Variants in USP47 observed in about 807,000 individuals in gnomAD.
USP47 encodes the protein ubiquitin specific peptidase 47.
A neutral mutation model predicts 165.1 loss-of-function variants in USP47; 35 were observed. That is an observed-to-expected ratio of 0.21 (90% confidence interval 0.16 to 0.28). The LOEUF (loss-of-function observed/expected upper bound fraction) is 0.28. USP47 is among the 10% of genes least tolerant of loss of function. The pLI, the probability that USP47 is intolerant of heterozygous loss-of-function variation, is 1.00. For synonymous variants in USP47, 531 were observed against 544.5 expected (o/e 0.98, Z 0.35); for missense variants, 1,277 against 1,607.4 (o/e 0.79, Z 3.52).
chr11:11,959,957 A>G lies in USP47; in HGVS notation c.*3782A>G, dbSNP rs559726807. On this transcript the variant is annotated 3_prime_UTR_variant, in exon 28 of 28. Transcript: ENST00000527733. ...GTTTTCAGCCTCTTTTATAATGCTTAAGTAACCTGCTTGAAGAGTATAATT... is the reference window on the plus strand; with the variant it reads ...GTTTTCAGCCTCTTTTATAATGCTTGAGTAACCTGCTTGAAGAGTATAATT... Among the ~76,000 whole-genome samples the G allele has an allele frequency of 2.6e-5, 4 of 152,286 alleles. No individual in the cohort carries two copies. In the East Asian group the frequency reaches 7.7e-4, roughly 29 times the overall value.
intron 7 of USP47, among the ~76,000 whole-genome samples, chr11:11,905,191 T>G (rs1438852475): frequency 6.7e-6 from 1 of 150,050 alleles, no homozygotes; most frequent in Non-Finnish European, 1.5e-5. Flanking sequence ...GTTATTTGTG[T>G]TGTTTTGATT....
At chr11:11,941,310 ATTACT>A (rs893399249) in intron 19 of USP47, among the ~76,000 whole-genome samples, 10 of 141,526 alleles carry the variant, frequency 7.1e-5, no homozygotes, top group Non-Finnish European at 1.2e-4. Flanking sequence ...CCTCCAGTAC[ATTACT>A]TTAGGGTAAG....
Position 11,960,601 on chromosome 11 carries a change from G to A in USP47, c.*4426G>A, listed in dbSNP as rs1195467984. Among the ~76,000 whole-genome samples the A allele has an allele frequency of 2.0e-5, 3 of 152,128 alleles. No individual in the cohort carries two copies. Among genetic ancestry groups the A allele is most frequent in the African/African-American group, 4.8e-5 (2 of 41,420 alleles). On this transcript the variant is annotated 3_prime_UTR_variant, in exon 28 of 28. Transcript: ENST00000527733. ...AAAATCTAACCTCTCCTCCCTCAACGGAGTGTCAGGGAGGGGAAGAATCTG... is the reference window on the plus strand; with the variant it reads ...AAAATCTAACCTCTCCTCCCTCAACAGAGTGTCAGGGAGGGGAAGAATCTG...
At position 11,930,080 on chromosome 11, in the gene USP47, T is replaced by C. The variant is rs1854546198; in HGVS notation, c.1555T>C (p.Ser519Pro). 6.2e-7 allele frequency: 1 copy of C among 1,613,312 alleles called. No individual in the cohort carries two copies. The highest frequency in any genetic ancestry group is 1.3e-5 in the African/African-American group (1 of 74,906). ...QEDIKKTHGGSSGSRGYYSSA... is the reference protein window; with the variant it reads ...QEDIKKTHGGPSGSRGYYSSA... The stretch of plus-strand genomic sequence containing the variant: ...GGACATTAAGAAAACACATGGTGGA[T>C]CTTCAGGAAGCAGAGGATATTATTC... Residue 519 changes from serine to proline, a missense_variant, in exon 13 of 28, where the codon TCT becomes CCT. Ser to Pro is a moderately conservative substitution (Grantham distance 74). Transcript: ENST00000527733.
chr11:11,940,347 C>A, intron 18 of USP47, 82 bp from the exon 19 acceptor site: 2 of 1,379,876 alleles, frequency 1.4e-6, no homozygotes, highest in Non-Finnish European at 2.0e-6. Context: ...AAGAACTCAG[C>A]AGTGTCTTGC....
chr11:11,947,842 T>C, intron 20 of USP47, 103 bp from the exon 21 acceptor site: 1 of 1,233,388 alleles, frequency 8.1e-7, no homozygotes, highest in Non-Finnish European at 1.1e-6. Flanking sequence ...AGGGGTACTC[T>C]TTACTGCATA....
intron 1 of USP47, among the ~76,000 whole-genome samples, chr11:11,848,750 C>T (rs1848564905): frequency 6.6e-6 from 1 of 151,612 alleles, no homozygotes; most frequent in Admixed American, 6.6e-5. Flanking sequence ...GCTGAGACTA[C>T]AGACGCGCGC....
chr11:11,898,477 C>A (rs966695197), intron 5 of USP47, among the ~76,000 whole-genome samples: 2 of 151,898 alleles, frequency 1.3e-5, no homozygotes, highest in Non-Finnish European at 2.9e-5. Flanking sequence ...CATTATATCA[C>A]CATTAGATTA....
intron 1 of USP47, among the ~76,000 whole-genome samples, chr11:11,858,298 A>G (rs1051968274): frequency 1.4e-4 from 21 of 152,168 alleles, no homozygotes; most frequent in African/African-American, 4.1e-4. Flanking sequence ...GAAAAACTAT[A>G]AAGGCCACAG....
chr11:11,935,549 G>T (rs1354167005), intron 16 of USP47, among the ~76,000 whole-genome samples: 1 of 151,866 alleles, frequency 6.6e-6, no homozygotes, highest in Non-Finnish European at 1.5e-5. Context: ...GGGGATGGGG[G>T]TTGGGGAGGA....
At chr11:11,885,445 A>T (rs1254142029) in intron 3 of USP47, among the ~76,000 whole-genome samples, 3 of 151,894 alleles carry the variant, frequency 2.0e-5, no homozygotes, top group Non-Finnish European at 4.4e-5. Context: ...AGGAATCCCC[A>T]CCCCCAGCCA....
intron 4 of USP47, among the ~76,000 whole-genome samples, chr11:11,896,565 A>C (rs1286604359): frequency 2.0e-5 from 3 of 152,224 alleles, no homozygotes; most frequent in Non-Finnish European, 2.9e-5. Flanking sequence ...GATACCATAC[A>C]AACTTGTGTT....
chr11:11,922,985 T>C (rs1007456305), intron 11 of USP47, 94 bp downstream of exon 11: 1 of 1,134,244 alleles, frequency 8.8e-7, no homozygotes. Context: ...TAAAGTTATC[T>C]TTAAAAGAAA....
At chr11:11,875,047 G>A (rs950297922) in intron 1 of USP47, among the ~76,000 whole-genome samples, 86 of 149,952 alleles carry the variant, frequency 5.7e-4, no homozygotes, top group Middle Eastern at 3.4e-3. Flanking sequence ...GTGTGTGTGT[G>A]TGTGTGTGTG....
At chr11:11,932,911 A>G in intron 14 of USP47, 93 bp from the exon 15 acceptor site, 1 of 862,554 alleles carries the variant, frequency 1.2e-6, no homozygotes, top group Non-Finnish European at 1.8e-6. Context: ...GTGCTACAGT[A>G]GAAGTATATA....
At position 11,936,328 on chromosome 11, in the gene USP47, C is replaced by T; in HGVS notation, c.1895C>T (p.Pro632Leu). 6.3e-7 allele frequency: 1 copy of T among 1,598,234 alleles called. No homozygotes were observed. The change falls in exon 17 of 28, where the codon CCC becomes CTC. Residue 632 changes from proline to leucine, a missense_variant. Transcript: ENST00000527733. ...ATGATGGATTTAGAAGAGGTAATAC[C>T]CCTGGATTGCTGTCGCCTTGTTAAA... is the stretch of plus-strand genomic sequence containing the variant. The part of the protein sequence containing the change: ...YKMMDLEEVI[P>L]LDCCRLVKYD...
At chr11:11,884,376 A>C in intron 2 of USP47, 91 bp from the exon 3 acceptor site, 1 of 937,902 alleles carries the variant, frequency 1.1e-6, no homozygotes, top group Middle Eastern at 2.9e-4. Flanking sequence ...CATTACTAAA[A>C]AAATACTATT....
chr11:11,855,145 T>C (rs1376107465), intron 1 of USP47, among the ~76,000 whole-genome samples: 2 of 151,688 alleles, frequency 1.3e-5, no homozygotes, highest in Non-Finnish European at 2.9e-5. Flanking sequence ...AAAGTGAAAG[T>C]ATTAAAAGTA....
chr11:11,933,581 A>T (rs1479821829), intron 15 of USP47, among the ~76,000 whole-genome samples: 1 of 152,104 alleles, frequency 6.6e-6, no homozygotes, highest in African/African-American at 2.4e-5. Context: ...TTGGTAGGGG[A>T]ATGATTACAT....
Sources: allele counts gnomAD v4.1 joint callset (sites outside exome capture counted in the v4.1 genomes callset), GRCh38; gene constraint gnomAD v4.1.1; transcripts MANE v1.5; gene names NCBI Gene and HGNC (gene_info 2026-07-23, HGNC 2026-07-21).